Variants in ACACA observed in about 807,000 individuals in gnomAD.
The protein encoded by ACACA is acetyl-CoA carboxylase 1.
ACACA carries 103 observed loss-of-function variants against 296.1 expected under a neutral mutation model. The ratio of observed to expected loss-of-function variants is 0.35; its 90% confidence interval spans 0.30 to 0.41. The LOEUF is 0.41. ACACA is among the 10% of genes least tolerant of loss of function. The probability of loss-of-function intolerance (pLI) is 1.00; values close to 1 mark genes in which losing one functional copy is unlikely to be tolerated. For synonymous variants in ACACA, 953 were observed against 1,038.6 expected (o/e 0.92, Z 1.58); for missense variants, 1,554 against 2,989.7 (o/e 0.52, Z 11.20).
chr17:37,128,024 CAAAAAAA>C (rs1173864454), intron 47 of ACACA, among the ~76,000 whole-genome samples: 4 of 39,714 alleles, frequency 1.0e-4, no homozygotes, highest in African/African-American at 2.1e-4. Flanking sequence ...AACTCCATCT[CAAAAAAA>C]AAAAAAAAAA....
chr17:37,280,760 C>T (rs930542029), intron 5 of ACACA, among the ~76,000 whole-genome samples: 9 of 151,762 alleles, frequency 5.9e-5, no homozygotes, highest in Non-Finnish European at 1.0e-4. Context: ...CACACACACA[C>T]ACCCCAAAAA....
At chr17:37,364,431 T>C (rs2049529728) in intron 1 of ACACA, among the ~76,000 whole-genome samples, 1 of 150,998 alleles carries the variant, frequency 6.6e-6, no homozygotes, top group African/African-American at 2.4e-5. Flanking sequence ...CCATGTCTAG[T>C]AAAAGTACAA....
At chr17:37,171,148 T>C (rs915244792) in intron 41 of ACACA, among the ~76,000 whole-genome samples, 1 of 152,224 alleles carries the variant, frequency 6.6e-6, no homozygotes, top group African/African-American at 2.4e-5. Context: ...AGCCTTGCTA[T>C]ATTCATGCTA....
At chr17:37,291,886 G>A (rs1368984455) in intron 3 of ACACA, among the ~76,000 whole-genome samples, 1 of 151,384 alleles carries the variant, frequency 6.6e-6, no homozygotes, top group African/African-American at 2.4e-5. Flanking sequence ...ATGAAGGAAA[G>A]GGCAAGAGTA....
chr17:37,202,677 A>ATG (rs1350708755), intron 33 of ACACA, among the ~76,000 whole-genome samples: 1 of 14,518 alleles, frequency 6.9e-5, no homozygotes, highest in Non-Finnish European at 1.2e-4. Flanking sequence ...TCATATATAT[A>ATG]TATATATATA....
At position 37,113,165 on chromosome 17, in the gene ACACA, C is replaced by A; in HGVS notation, c.6375G>T (p.Leu2125=). 6.2e-7 allele frequency: 1 copy of A among 1,614,186 alleles called. No individual in the cohort carries two copies. Residue 2125 remains leucine, a synonymous_variant, in exon 51 of 56, where the codon CTG becomes CTT. Coordinates refer to ENST00000616317, the MANE Select transcript of ACACA (RefSeq NM_198834.3). The surrounding 1 kb of genome is among the most constrained non-coding windows in gnomAD (Gnocchi z 4.0). ...VLVYIPPQAE[L]RGGSWVVIDS... is the part of the protein sequence containing the mutation. The stretch of plus-strand genomic sequence containing the variant: ...CAATCACCACCCAGGAGCCACCCCG[C>A]AGCTCAGCCTGGGGAGGAATGTAAA...
intron 42 of ACACA, among the ~76,000 whole-genome samples, chr17:37,159,078 G>A (rs1023987159): frequency 6.6e-6 from 1 of 151,566 alleles, no homozygotes; most frequent in African/African-American, 2.4e-5. Flanking sequence ...CTTGAGAGGT[G>A]GAGGTGGGAG....
In ACACA at chr17:37,245,224, A is replaced by G; in HGVS notation, c.2461-10T>C. The G allele has an allele frequency of 6.2e-7, 1 of 1,613,314 alleles. No homozygotes were observed. Among genetic ancestry groups the G allele is most frequent in the Non-Finnish European group, 8.5e-7 (1 of 1,179,614 alleles). On this transcript the variant is annotated splice_polypyrimidine_tract_variant and intron_variant, in intron 19 of 55. Transcript: ENST00000616317. ...TTACCATCTTCATTACCTATAGTGA[A>G]AAATAAACTAGACTCAGATTTATCT...
chr17:37,291,930 C>T (rs1213303865), intron 3 of ACACA, among the ~76,000 whole-genome samples: 2 of 151,004 alleles, frequency 1.3e-5, no homozygotes, highest in Non-Finnish European at 3.0e-5. Flanking sequence ...TTTTTTTTTT[C>T]ATTGAAACTG....
intron 1 of ACACA, among the ~76,000 whole-genome samples, chr17:37,362,135 T>C (rs1006588788): frequency 1.3e-5 from 2 of 151,868 alleles, no homozygotes; most frequent in African/African-American, 4.8e-5. Flanking sequence ...AAGGAGAAAA[T>C]ATCAGAAAAA....
Position 37,105,463 on chromosome 17 carries a change from C to T in ACACA, c.6565+6068G>A, listed in dbSNP as rs1271488. ...CTGCACTCCAGCCCAGGCGACAGTG[C>T]GAGGCTCCATCTCAAAAACAAAAAC... On this transcript the variant is annotated intron_variant, in intron 52 of 55. Coordinates refer to ENST00000616317, the MANE Select transcript of ACACA (RefSeq NM_198834.3). 3.1e-3 allele frequency among the ~76,000 whole-genome samples: 466 copies of T among 150,294 alleles called. 3 individuals carry two copies. In the South Asian group the frequency reaches 0.033, roughly 11 times the overall value.
intron 42 of ACACA, among the ~76,000 whole-genome samples, chr17:37,159,559 T>C (rs2076383958): frequency 6.6e-6 from 1 of 152,230 alleles, no homozygotes; most frequent in Admixed American, 6.5e-5. Flanking sequence ...TATATTCAGA[T>C]GTTTTGCAAC....
intron 1 of ACACA, among the ~76,000 whole-genome samples, chr17:37,372,805 C>T (rs2049855303): frequency 6.6e-6 from 1 of 151,846 alleles, no homozygotes; most frequent in Admixed American, 6.6e-5. Flanking sequence ...GAAAGTCAGT[C>T]AAAATATCTA....
At chr17:37,329,414 C>A (rs982453257) in intron 3 of ACACA, among the ~76,000 whole-genome samples, 1 of 152,000 alleles carries the variant, frequency 6.6e-6, no homozygotes, top group South Asian at 2.1e-4. Flanking sequence ...CTGAGGCAGG[C>A]GGATCACTTG....
chr17:37,199,010 C>T (rs903121001), intron 35 of ACACA, among the ~76,000 whole-genome samples: 2 of 152,082 alleles, frequency 1.3e-5, no homozygotes, highest in African/African-American at 4.8e-5. Context: ...GAGGCTGAGG[C>T]GGGCAGATCA....
Position 37,087,262 on chromosome 17 carries a change from G to A in ACACA, c.*54C>T. The A allele has an allele frequency of 6.2e-7, 1 of 1,612,568 alleles. No homozygotes were observed. The highest frequency in any genetic ancestry group is 8.5e-7 in the Non-Finnish European group (1 of 1,179,392). ...ATTACAGTGGTTACAGTTGTAAAAGGCAGCTCTAGCCCTTTTCTCCAGAGA... is the reference window on the plus strand; with the variant it reads ...ATTACAGTGGTTACAGTTGTAAAAGACAGCTCTAGCCCTTTTCTCCAGAGA... On this transcript the variant is annotated 3_prime_UTR_variant, in exon 56 of 56. Transcript: ENST00000616317.
chr17:37,167,088 G>A (rs2144580016), intron 41 of ACACA, among the ~76,000 whole-genome samples: 1 of 149,322 alleles, frequency 6.7e-6, no homozygotes. Context: ...GGGATTACAG[G>A]TGCATGCCAC....
rs1416537009 is a variant in ACACA, at chr17:37,086,938, G to GCAA, written c.*375_*377dup. ...AGTGAGGGGGGCTGCTCACTGCTGG[G>GCAA]CAACTCCTCACGCTTCCCCATGCTG... On this transcript the variant is annotated 3_prime_UTR_variant, in exon 56 of 56. Coordinates refer to ENST00000616317, the MANE Select transcript of ACACA (RefSeq NM_198834.3). 4.4e-5 allele frequency: 15 copies of GCAA among 343,188 alleles called. No homozygotes were observed. In the East Asian group the frequency reaches 1.1e-3, roughly 25 times the overall value. 21.3% of individuals were successfully genotyped at this position (343,188 alleles called of 1,614,324 possible).
At chr17:37,174,020 A>ATATATATATTTTTTTTTT (rs552735515) in intron 41 of ACACA, among the ~76,000 whole-genome samples, 3 of 16,794 alleles carry the variant, frequency 1.8e-4, no homozygotes, top group African/African-American at 2.6e-4. Flanking sequence ...ATATATATAT[A>ATATATATATTTTTTTTTT]TTTTTTTTTT....
Sources: gnomAD v4.1 joint callset for allele counts (sites outside exome capture counted in the v4.1 genomes callset) on GRCh38, gnomAD v4.1.1 for gene constraint, Gnocchi (gnomAD v3.1) non-coding constraint, MANE v1.5 for transcripts, NCBI Gene and HGNC (gene_info 2026-07-23, HGNC 2026-07-21) for gene names.